Variants in U2SURP observed in about 807,000 individuals in gnomAD.
U2SURP encodes U2 snRNP associated SURP domain containing, also known as U2 snRNP-associated SURP motif-containing protein.
U2SURP carries 9 observed loss-of-function variants against 144.9 expected under a neutral mutation model. The ratio of observed to expected loss-of-function variants is 0.06; its 90% CI spans 0.04 to 0.11. The LOEUF is 0.11. Among genes scored for constraint, U2SURP ranks in the 10% least tolerant of loss-of-function variants. The pLI is 1.00. For missense variants in U2SURP, 724 were observed against 1,226.7 expected (o/e 0.59, Z 6.12); for synonymous variants, 408 against 396.8 (o/e 1.03, Z -0.33).
intron 16 of U2SURP, 39 bp downstream of exon 16, chr3:143,028,685 T>A (rs746518360): frequency 9.9e-6 from 15 of 1,511,332 alleles, no homozygotes; most frequent in African/African-American, 7.1e-5. Context: ...TTCAGAAAAG[T>A]AACTGTAATG....
At position 143,050,920 on chromosome 3, in the gene U2SURP, A is replaced by G; in HGVS notation, c.2545-19A>G. The G allele has an allele frequency of 1.3e-6, 2 of 1,516,798 alleles. No individual in the cohort carries two copies. The highest frequency in any genetic ancestry group is 1.8e-6 in the Non-Finnish European group (2 of 1,106,872). The allele number at this position is 1,516,798 out of a possible 1,614,324, so 94.0% of individuals were successfully genotyped here. On this transcript the variant is annotated intron_variant, in intron 24 of 27. Coordinates refer to ENST00000473835, the MANE Select transcript of U2SURP (RefSeq NM_001080415.2). ...TAGAATGATGAAAATGCTTATTTTT[A>G]AAATATTTTATTTCACAGCTCAAAG...
intron 24 of U2SURP, among the ~76,000 whole-genome samples, chr3:143,046,953 C>CA (rs1560203267): frequency 1.2e-5 from 1 of 85,534 alleles, no homozygotes; most frequent in Non-Finnish European, 2.3e-5. Context: ...GGGGGCTGAC[C>CA]TCCCCCACCT....
chr3:143,012,255 C>G lies in U2SURP; in HGVS notation c.124C>G (p.Pro42Ala), dbSNP rs762981143. The G allele has an allele frequency of 1.2e-6, 2 of 1,612,976 alleles. No homozygotes were observed. Among genetic ancestry groups the G allele is most frequent in the Non-Finnish European group, 1.7e-6 (2 of 1,179,386 alleles). Residue 42 changes from proline (P) to alanine (A), a missense_variant, in exon 3 of 28, where the codon CCA (proline) becomes GCA (alanine). Physicochemically the swap from Pro to Ala is conservative, Grantham distance 27. Transcript: ENST00000473835. ...DASGPSDSDM[P>A]SRTRPKSPRK... Reference sequence around the variant, plus strand: ...ATCTGGACCCTCAGATAGTGATATGCCAAGTCGGACACGACCTAAGAGCCC... The same window carrying G: ...ATCTGGACCCTCAGATAGTGATATGGCAAGTCGGACACGACCTAAGAGCCC...
At chr3:143,012,131 C>G in intron 2 of U2SURP, 91 bp from the exon 3 acceptor site, 8 of 1,443,250 alleles carry the variant, frequency 5.5e-6, no homozygotes, top group Non-Finnish European at 7.6e-6. Flanking sequence ...TGAAATTTGT[C>G]AATATCTGGC....
At chr3:143,040,792 C>CATG (rs1934061952) in intron 23 of U2SURP, among the ~76,000 whole-genome samples, 1 of 151,706 alleles carries the variant, frequency 6.6e-6, no homozygotes, top group South Asian at 2.1e-4. Context: ...TATTTTAAAT[C>CATG]ATGAATAGAG....
chr3:143,031,233 TAGTTGATAAAGTAG>T (rs1177985675), intron 16 of U2SURP, among the ~76,000 whole-genome samples: 1 of 152,294 alleles, frequency 6.6e-6, no homozygotes, highest in Admixed American at 6.5e-5. Context: ...TATATAAAGT[TAGTTGATAAAGTAG>T]TACAGGGTTT....
chr3:143,053,345 A>G (rs188946661), intron 25 of U2SURP, among the ~76,000 whole-genome samples: 1 of 152,212 alleles, frequency 6.6e-6, no homozygotes. Context: ...CTCAATTTTC[A>G]TCTCTAGAAT....
intron 16 of U2SURP, among the ~76,000 whole-genome samples, chr3:143,031,950 A>G (rs1412167243): frequency 6.6e-6 from 1 of 152,204 alleles, no homozygotes; most frequent in Non-Finnish European, 1.5e-5. Context: ...CCTGTTTTGG[A>G]AAATAAAGTT....
intron 1 of U2SURP, among the ~76,000 whole-genome samples, chr3:143,007,894 C>T (rs987575899): frequency 6.6e-6 from 1 of 152,206 alleles, no homozygotes; most frequent in Non-Finnish European, 1.5e-5. Context: ...TTTACCTTGA[C>T]TGTTATCTTT....
At chr3:143,041,237 C>T (rs755700753) in intron 23 of U2SURP, among the ~76,000 whole-genome samples, 7 of 151,818 alleles carry the variant, frequency 4.6e-5, no homozygotes, top group Non-Finnish European at 5.9e-5. Flanking sequence ...ACATACACTT[C>T]AATCTAAAAG....
Position 143,026,941 on chromosome 3 carries a change from A to G in U2SURP, c.1275-208A>G, listed in dbSNP as rs1339709392. 4 of 417,896 alleles carry G rather than the reference A, an allele frequency of 9.6e-6. No individual in the cohort carries two copies. In the Admixed American group the frequency reaches 1.7e-4, roughly 18 times the overall value. The allele number at this position is 417,896 out of a possible 1,614,324, so 25.9% of individuals were successfully genotyped here. On this transcript the variant is annotated intron_variant, in intron 13 of 27. Coordinates refer to ENST00000473835, the MANE Select transcript of U2SURP (RefSeq NM_001080415.2). ...GTTTCCTACCCTCCCTCACCTTTCC[A>G]TCCCCTCCCACTTCCCTACTCCCAC...
At chr3:143,007,490 G>A (rs949260510) in intron 1 of U2SURP, among the ~76,000 whole-genome samples, 1 of 140,582 alleles carries the variant, frequency 7.1e-6, no homozygotes, top group African/African-American at 2.7e-5. Flanking sequence ...CTGTCGCCCA[G>A]GCCTGCAGTA....
At chr3:143,024,621 A>G (rs902910725) in intron 13 of U2SURP, 1 of 351,514 alleles carries the variant, frequency 2.8e-6, no homozygotes, top group Non-Finnish European at 5.5e-6. Flanking sequence ...AGAAGAATTC[A>G]TGCTGTAGGT....
chr3:143,055,217 T>A, intron 27 of U2SURP, 98 bp downstream of exon 27: 1 of 1,167,478 alleles, frequency 8.6e-7, no homozygotes, highest in South Asian at 1.5e-5. Flanking sequence ...TTTTTTTTTT[T>A]TTTTAAGGAT....
In U2SURP at chr3:143,028,566, G is replaced by A. The variant is rs373867396; in HGVS notation, c.1530G>A (p.Pro510=). ...TTTGGAGGCCACCACCATTAAATCCGTACTTGCATGGAATGTCAGAAGAGC... is the reference window on the plus strand; with the variant it reads ...TTTGGAGGCCACCACCATTAAATCCATACTTGCATGGAATGTCAGAAGAGC... The part of the protein sequence containing the change: ...GSFWRPPPLN[P]YLHGMSEEQE... Residue 510 remains proline, a synonymous_variant, in exon 16 of 28, where the codon CCG becomes CCA. Transcript: ENST00000473835. The A allele has an allele frequency of 3.3e-5, 53 of 1,596,774 alleles. No individual in the cohort carries two copies. The highest frequency in any genetic ancestry group is 1.8e-4 in the African/African-American group (13 of 73,506).
intron 24 of U2SURP, among the ~76,000 whole-genome samples, chr3:143,044,852 AACAG>A (rs1274689840): frequency 6.6e-6 from 1 of 152,200 alleles, no homozygotes; most frequent in Non-Finnish European, 1.5e-5. Flanking sequence ...CTGAAAAGTA[AACAG>A]ACAGCATTTT....
intron 6 of U2SURP, chr3:143,017,456 G>A (rs1936427406): frequency 6.6e-6 from 1 of 152,026 alleles, no homozygotes; most frequent in African/African-American, 2.4e-5. Context: ...TTTTATGGGA[G>A]ATGGTAGACA....
rs114523287 is a variant in U2SURP at position 143,039,095 on chromosome 3, C to T, written c.2384+135C>T. ...TTTTGGGAGAGGATCATTTTTAGTTCTCCATTGGTTTTCCAGTGAATAAAG... is the reference window on the plus strand; with the variant it reads ...TTTTGGGAGAGGATCATTTTTAGTTTTCCATTGGTTTTCCAGTGAATAAAG... On this transcript the variant is annotated intron_variant, in intron 23 of 27. Coordinates refer to ENST00000473835, the MANE Select transcript of U2SURP (RefSeq NM_001080415.2). 5.7e-3 allele frequency: 3,001 copies of T among 529,292 alleles called. 99 individuals are homozygous for T. Among genetic ancestry groups the T allele is most frequent in the African/African-American group, 0.055 (2,735 of 49,578 alleles). The allele number at this position is 529,292 out of a possible 1,614,324, so 32.8% of individuals were successfully genotyped here.
chr3:143,039,529 C>G (rs974994976), intron 23 of U2SURP, among the ~76,000 whole-genome samples: 1 of 151,166 alleles, frequency 6.6e-6, no homozygotes, highest in Non-Finnish European at 1.5e-5. Context: ...CTCAGATTCT[C>G]CTGCAAGTCT....
Sources: allele counts gnomAD v4.1 joint callset (sites outside exome capture counted in the v4.1 genomes callset), GRCh38; gene constraint gnomAD v4.1.1; transcripts MANE v1.5; gene names NCBI Gene and HGNC (gene_info 2026-07-23, HGNC 2026-07-21).